Variants in S100A8 observed in about 807,000 individuals in gnomAD.
The protein encoded by S100A8 is S100 calcium binding protein A8.
A neutral mutation model predicts 4.2 loss-of-function variants in S100A8; 1 was observed. The observed-to-expected ratio is 0.24, with a 90% confidence interval of 0.08 to 1.12. The LOEUF (loss-of-function observed/expected upper bound fraction) is 1.12, where lower values mean the gene tolerates loss of function less well. S100A8 is among the 50% of genes most tolerant of loss of function. S100A8 has a pLI of 0.53. For synonymous variants in S100A8, 41 were observed against 44.7 expected (o/e 0.92, Z 0.33); for missense variants, 96 against 111.8 (o/e 0.86, Z 0.64).
chr1:153,397,223 CG>C, the S100A8 span, among the ~76,000 whole-genome samples: 2 of 152,254 alleles, frequency 1.3e-5, no homozygotes, highest in African/African-American at 4.8e-5. Flanking sequence ...AGAGCAGAGT[CG>C]ACCTGGCCCT....
chr1:153,415,836 C>A, the S100A8 span, among the ~76,000 whole-genome samples: 1 of 152,168 alleles, frequency 6.6e-6, no homozygotes, highest in Non-Finnish European at 1.5e-5. Flanking sequence ...AGTAATCCTG[C>A]TTCCCTCCCT....
At chr1:153,419,130 T>G in the S100A8 span, 1 of 1,610,694 alleles carries the variant, frequency 6.2e-7, no homozygotes, top group Non-Finnish European at 8.5e-7. Flanking sequence ...ATTTTGTATG[T>G]TTTTCTCTTC....
At chr1:153,414,015 T>G in the S100A8 span, among the ~76,000 whole-genome samples, 1 of 152,264 alleles carries the variant, frequency 6.6e-6, no homozygotes, top group African/African-American at 2.4e-5. Flanking sequence ...TTTCTTAGAA[T>G]TCTTTGTTGT....
the S100A8 span, among the ~76,000 whole-genome samples, chr1:153,407,968 C>T: frequency 3.3e-5 from 5 of 152,126 alleles, no homozygotes; most frequent in Non-Finnish European, 7.3e-5. Flanking sequence ...TCCATCTGTA[C>T]GTCACCATCA....
upstream of S100A8, among the ~76,000 whole-genome samples, chr1:153,396,031 C>T (rs1008152296): frequency 1.3e-5 from 2 of 152,356 alleles, no homozygotes; most frequent in Admixed American, 6.5e-5. Context: ...TGACCACAAG[C>T]GAGGCCTCGC....
At chr1:153,412,432 T>G in the S100A8 span, among the ~76,000 whole-genome samples, 8 of 152,174 alleles carry the variant, frequency 5.3e-5, no homozygotes, top group Non-Finnish European at 8.8e-5. Context: ...TACAATGAGA[T>G]ACCATCTCAC....
At chr1:153,390,711 G>T in intron 1 of S100A8, 154 bp from the exon 2 acceptor site, 1 of 941,414 alleles carries the variant, frequency 1.1e-6, no homozygotes, top group Non-Finnish European at 1.6e-6. Context: ...CTGGTGGGAA[G>T]GGTGGGATGA....
chr1:153,421,582 G>A, the S100A8 span: 1 of 152,356 alleles, frequency 6.6e-6, no homozygotes, highest in Non-Finnish European at 1.5e-5. Context: ...GGCAGGTTGT[G>A]CAGCTTAGGG....
chr1:153,411,217 A>G, the S100A8 span, among the ~76,000 whole-genome samples: 1 of 152,250 alleles, frequency 6.6e-6, no homozygotes, highest in Non-Finnish European at 1.5e-5. Flanking sequence ...ACATGATTGT[A>G]TATCTAGAAA....
the S100A8 span, chr1:153,419,213 T>G: frequency 1.2e-6 from 2 of 1,614,146 alleles, no homozygotes; most frequent in South Asian, 1.1e-5. Context: ...ATAAGAAGAT[T>G]GATTTTTCTG....
At chr1:153,415,051 T>A in the S100A8 span, among the ~76,000 whole-genome samples, 1 of 152,192 alleles carries the variant, frequency 6.6e-6, no homozygotes, top group East Asian at 1.9e-4. Flanking sequence ...TCTGAGTAAT[T>A]TCACTTAAGA....
chr1:153,390,591 C>T, intron 1 of S100A8, 34 bp from the exon 2 acceptor site: 1 of 1,608,682 alleles, frequency 6.2e-7, no homozygotes, highest in South Asian at 1.1e-5. Flanking sequence ...AATCCCATGG[C>T]AGGGAATTTG....
the S100A8 span, among the ~76,000 whole-genome samples, chr1:153,407,217 G>A: frequency 6.6e-6 from 1 of 152,358 alleles, no homozygotes; most frequent in East Asian, 1.9e-4. Context: ...ACTTTTCATA[G>A]CCAAGGGAAG....
At chr1:153,419,302 G>A in the S100A8 span, 1 of 1,614,054 alleles carries the variant, frequency 6.2e-7, no homozygotes, top group Non-Finnish European at 8.5e-7. Flanking sequence ...TCTGGGGGAA[G>A]CCAGTGATCC....
the S100A8 span, among the ~76,000 whole-genome samples, chr1:153,398,808 G>A: frequency 6.6e-6 from 1 of 152,186 alleles, no homozygotes; most frequent in Non-Finnish European, 1.5e-5. Flanking sequence ...TCCTAAGGGG[G>A]AAATGAAACC....
chr1:153,404,649 CT>C, the S100A8 span, among the ~76,000 whole-genome samples: 1 of 148,766 alleles, frequency 6.7e-6, no homozygotes, highest in Non-Finnish European at 1.5e-5. Flanking sequence ...ATTTTTATCT[CT>C]TCCTGTTTCT....
the S100A8 span, among the ~76,000 whole-genome samples, chr1:153,411,415 A>G: frequency 6.6e-6 from 1 of 152,232 alleles, no homozygotes; most frequent in African/African-American, 2.4e-5. Flanking sequence ...TAGGAATCCA[A>G]CTTACAAGGG....
the S100A8 span, among the ~76,000 whole-genome samples, chr1:153,397,667 T>C: frequency 2.6e-5 from 4 of 152,126 alleles, no homozygotes; most frequent in Non-Finnish European, 4.4e-5. Context: ...TGTGAAGCCC[T>C]AGAAACCATC....
the S100A8 span, among the ~76,000 whole-genome samples, chr1:153,405,019 G>A: frequency 1.3e-4 from 20 of 152,108 alleles, no homozygotes; most frequent in East Asian, 2.7e-3. Flanking sequence ...ACTGTAACAG[G>A]AACAGCCCTT....
Sources: gnomAD v4.1 joint callset for allele counts (sites outside exome capture counted in the v4.1 genomes callset) on GRCh38, gnomAD v4.1.1 for gene constraint, MANE v1.5 for transcripts, NCBI Gene and HGNC (gene_info 2026-07-23, HGNC 2026-07-21) for gene names.